MYOF: variants seen among roughly 807,000 people sequenced by gnomAD.
MYOF encodes the protein myoferlin, also known as fer-1-like 3, myoferlin.
A neutral mutation model predicts 284.2 loss-of-function variants in MYOF; 244 were observed. The observed-to-expected ratio is 0.86, with a 90% confidence interval of 0.77 to 0.95. The LOEUF (loss-of-function observed/expected upper bound fraction) is 0.95, where lower values mean the gene tolerates loss of function less well. Ranked by LOEUF, MYOF falls within the 40% of genes least tolerant of loss-of-function variation. MYOF has a pLI of 0.00. For synonymous variants in MYOF, 904 were observed against 919.7 expected (o/e 0.98, Z 0.31); for missense variants, 2,496 against 2,560.6 (o/e 0.97, Z 0.54).
At chr10:93,400,532 T>C (rs999720693) in intron 12 of MYOF, among the ~76,000 whole-genome samples, 1 of 152,038 alleles carries the variant, frequency 6.6e-6, no homozygotes, top group Non-Finnish European at 1.5e-5. Context: ...TTTAAGACCA[T>C]AGGATCTTAA....
intron 43 of MYOF, 141 bp from the exon 44 acceptor site, chr10:93,329,975 G>A (rs1589396259): frequency 2.6e-6 from 2 of 767,572 alleles, no homozygotes; most frequent in East Asian, 5.1e-5. Context: ...AGGGTGGGTG[G>A]TGGTGGGTGG....
intron 1 of MYOF, among the ~76,000 whole-genome samples, chr10:93,480,622 T>A (rs563198704): frequency 6.6e-6 from 1 of 151,830 alleles, no homozygotes; most frequent in South Asian, 2.1e-4. Context: ...ATTATAGGCA[T>A]GTGCCACCAT....
At chr10:93,335,680 C>T (rs974162319) in intron 41 of MYOF, among the ~76,000 whole-genome samples, 3 of 151,132 alleles carry the variant, frequency 2.0e-5, no homozygotes, top group South Asian at 2.1e-4. Flanking sequence ...GGAGATGGCT[C>T]GAGTGCTCTG....
chr10:93,380,028 A>G (rs755308777), intron 20 of MYOF, 41 bp from the exon 21 acceptor site: 9 of 1,593,504 alleles, frequency 5.6e-6, no homozygotes, highest in African/African-American at 2.7e-5. Flanking sequence ...CTGAACACTT[A>G]AAATAGACAG....
At chr10:93,340,067 G>C in intron 39 of MYOF, 86 bp downstream of exon 39, 3 of 1,443,332 alleles carry the variant, frequency 2.1e-6, no homozygotes, top group Non-Finnish European at 2.9e-6. Context: ...GTGAAAGAGC[G>C]AGACTCCTTC....
intron 1 of MYOF, among the ~76,000 whole-genome samples, chr10:93,467,154 C>A (rs558902270): frequency 6.6e-6 from 1 of 151,848 alleles, no homozygotes; most frequent in South Asian, 2.1e-4. Context: ...CAAACCTGTG[C>A]TCTTTTTTTT....
At chr10:93,332,231 T>TA (rs1044690247) in intron 43 of MYOF, among the ~76,000 whole-genome samples, 1 of 150,804 alleles carries the variant, frequency 6.6e-6, no homozygotes, top group Non-Finnish European at 1.5e-5. Context: ...CTTTTATTTT[T>TA]TTTTTTTGGG....
chr10:93,308,632 G>A (rs1054168836), intron 53 of MYOF, among the ~76,000 whole-genome samples: 2 of 150,140 alleles, frequency 1.3e-5, no homozygotes, highest in African/African-American at 2.4e-5. Flanking sequence ...GTATAATAGT[G>A]TACATATACT....
chr10:93,433,641 T>G (rs539662792), intron 3 of MYOF, among the ~76,000 whole-genome samples: 1 of 152,244 alleles, frequency 6.6e-6, no homozygotes, highest in Non-Finnish European at 1.5e-5. Context: ...AATTGAACAT[T>G]TCTATGTAAC....
chr10:93,326,707 C>A (rs1053478463), intron 45 of MYOF, among the ~76,000 whole-genome samples: 3 of 152,134 alleles, frequency 2.0e-5, no homozygotes, highest in Non-Finnish European at 4.4e-5. Flanking sequence ...TCACTGCAAC[C>A]CCTGCCTCCT....
At chr10:93,355,829 A>T in intron 30 of MYOF, 93 bp from the exon 31 acceptor site, 3 of 855,492 alleles carry the variant, frequency 3.5e-6, no homozygotes, top group Non-Finnish European at 5.6e-6. Context: ...TAACAAATGG[A>T]ATTCTAGCTT....
intron 39 of MYOF, among the ~76,000 whole-genome samples, chr10:93,339,722 GC>G (rs145793313): frequency 0.011 from 1,600 of 151,952 alleles, 26 homozygotes; most frequent in African/African-American, 0.036. Context: ...GCCTGCTTCA[GC>G]CTCCCAAAGT....
intron 1 of MYOF, among the ~76,000 whole-genome samples, chr10:93,459,053 A>G (rs977365859): frequency 2.0e-5 from 3 of 152,178 alleles, no homozygotes; most frequent in Non-Finnish European, 2.9e-5. Context: ...TTCCCTTCCT[A>G]AGCTTCAGCG....
chr10:93,339,367 T>TTGTGTGTGTGTGTGTGTGTG lies in MYOF; in HGVS notation c.4338+766_4338+785dup, dbSNP rs35070199. ...ATATGTTACATTATATGCTTCTTAT[T>TTGTGTGTGTGTGTGTGTGTG]TGTGTGTGTGTGTGTGTGTGTGTGT... is the stretch of plus-strand genomic sequence containing the variant. On this transcript the variant is annotated intron_variant, in intron 39 of 53. Transcript: ENST00000359263. 4.0e-5 allele frequency among the ~76,000 whole-genome samples: 6 copies of TTGTGTGTGTGTGTGTGTGTG among 150,334 alleles called. No individual in the cohort carries two copies. In the East Asian group the frequency reaches 8.0e-4, roughly 20 times the overall value.
chr10:93,335,864 G>C lies in MYOF; in HGVS notation c.4563+57C>G, dbSNP rs1843578742. On this transcript the variant is annotated intron_variant, in intron 41 of 53. Coordinates refer to ENST00000359263, the MANE Select transcript of MYOF (RefSeq NM_013451.4). Reference sequence around the variant, plus strand: ...TAGAGCCTGGTTGTCCTTTATTCTAGGCCTATATAGAAAATGAAGGTGGAT... The same window carrying C: ...TAGAGCCTGGTTGTCCTTTATTCTACGCCTATATAGAAAATGAAGGTGGAT... 12 of 1,590,286 alleles carry C rather than the reference G, an allele frequency of 7.5e-6. No homozygotes were observed. The East Asian group carries it at 2.7e-4, about 36-fold the overall frequency.
At chr10:93,311,546 AC>A (rs1460180736) in intron 51 of MYOF, among the ~76,000 whole-genome samples, 2 of 150,942 alleles carry the variant, frequency 1.3e-5, no homozygotes, top group African/African-American at 4.9e-5. Flanking sequence ...CAGAGATCGC[AC>A]CACTGCACTC....
intron 3 of MYOF, among the ~76,000 whole-genome samples, chr10:93,446,046 T>A (rs2056417939): frequency 6.6e-6 from 1 of 152,060 alleles, no homozygotes. Context: ...GTACAGGTAA[T>A]CTGACCAAGG....
At chr10:93,315,768 T>C (rs1842588215) in intron 50 of MYOF, among the ~76,000 whole-genome samples, 1 of 151,714 alleles carries the variant, frequency 6.6e-6, no homozygotes. Context: ...GGTAAATCCT[T>C]GGAGGGGGTG....
intron 15 of MYOF, among the ~76,000 whole-genome samples, chr10:93,396,733 C>A (rs17480007): frequency 0.043 from 6,566 of 152,250 alleles, 199 homozygotes; most frequent in Middle Eastern, 0.079. Context: ...GCTAAGGGTG[C>A]CTGCTGAATG....
Sources: gnomAD v4.1 joint callset for allele counts (sites outside exome capture counted in the v4.1 genomes callset) on GRCh38, gnomAD v4.1.1 for gene constraint, MANE v1.5 for transcripts, NCBI Gene and HGNC (gene_info 2026-07-23, HGNC 2026-07-21) for gene names.